Variants in DNAH8 observed in about 807,000 individuals in gnomAD.
DNAH8 encodes axonemal beta dynein heavy chain 8.
DNAH8 carries 382 observed loss-of-function variants against 562.1 expected under a neutral mutation model. The observed-to-expected ratio is 0.68, with a 90% CI of 0.63 to 0.74. DNAH8 has a LOEUF of 0.74. DNAH8 is among the 30% of genes least tolerant of loss of function. The pLI, the probability that DNAH8 is intolerant of heterozygous loss-of-function variation, is 0.00. For synonymous variants in DNAH8, 1,881 were observed against 1,919.4 expected (o/e 0.98, Z 0.52); for missense variants, 5,203 against 5,620.4 (o/e 0.93, Z 2.37).
Position 38,790,310 on chromosome 6 carries a change from G to A in DNAH8, c.2686G>A (p.Gly896Arg), listed in dbSNP as rs757889674. ...MKKVESVLRQ[G>R]LTVLTWSSLT... is the part of the protein sequence containing the mutation. ...CTAGGTGGAATCTGTGTTGAGGCAA[G>A]GACTCACAGTGTTAACATGGTCGTC... The change falls in exon 20 of 93, where the codon GGA (glycine) becomes AGA (arginine). Residue 896 changes from glycine (G) to arginine (R), a missense_variant. Physicochemically the swap from Gly to Arg is moderately radical, Grantham distance 125 (BLOSUM62 -2). Transcript: ENST00000327475. 4 of 1,606,706 alleles carry A rather than the reference G, an allele frequency of 2.5e-6. No homozygotes were observed. In the South Asian group the frequency reaches 3.3e-5, roughly 13 times the overall value.
At chr6:38,745,468 T>A (rs1764848309) in intron 8 of DNAH8, among the ~76,000 whole-genome samples, 1 of 152,216 alleles carries the variant, frequency 6.6e-6, no homozygotes, top group African/African-American at 2.4e-5. Flanking sequence ...TTTAGACTTA[T>A]GGAAGAGTCA....
chr6:38,734,550 T>C lies in DNAH8; in HGVS notation c.687T>C (p.Asp229=), dbSNP rs1191690018. ...TGTATATAGACAATGCAGCCCCGGA[T>C]AAACTAAAAGGACTGTGCATATTTT... ...MKLYIDNAAP[D]KLKGLCIFFV... is the part of the protein sequence containing the mutation. The change falls in exon 5 of 93, where the codon GAT becomes GAC. Residue 229 remains aspartate, a synonymous_variant. Coordinates refer to ENST00000327475, the MANE Select transcript of DNAH8 (RefSeq NM_001206927.2). The C allele has an allele frequency of 6.2e-7, 1 of 1,613,982 alleles. No homozygotes were observed. The highest frequency in any genetic ancestry group is 8.5e-7 in the Non-Finnish European group (1 of 1,179,982).
chr6:38,716,361 C>T (rs1177805122), intron 1 of DNAH8, among the ~76,000 whole-genome samples: 1 of 152,072 alleles, frequency 6.6e-6, no homozygotes, highest in Non-Finnish European at 1.5e-5. Context: ...CCCCTCTAGC[C>T]CAAAAGTCTC....
chr6:38,946,094 G>A (rs1012990956), intron 80 of DNAH8, among the ~76,000 whole-genome samples: 15 of 151,838 alleles, frequency 9.9e-5, no homozygotes, highest in African/African-American at 3.6e-4. Flanking sequence ...TGGATTAATT[G>A]TTGAGTCAAT....
At chr6:38,982,508 A>G (rs1372002140) in intron 86 of DNAH8, 46 bp downstream of exon 86, 1 of 1,028,578 alleles carries the variant, frequency 9.7e-7, no homozygotes, top group Admixed American at 1.7e-5. Flanking sequence ...GCTCTTCTTA[A>G]ATCAGGGTTC....
intron 79 of DNAH8, 116 bp downstream of exon 79, chr6:38,939,104 TTTAA>T: frequency 1.3e-6 from 1 of 780,064 alleles, no homozygotes; most frequent in South Asian, 3.1e-5. Context: ...CTAACGAAAG[TTTAA>T]TTAAGTTTTA....
chr6:38,921,992 G>C (rs1561865356), intron 71 of DNAH8, among the ~76,000 whole-genome samples: 1 of 151,680 alleles, frequency 6.6e-6, no homozygotes, highest in Non-Finnish European at 1.5e-5. Flanking sequence ...TTTTGAGCTA[G>C]GATGAGCCAG....
rs140704775 is a variant in DNAH8, at chr6:38,832,364, A to G, written c.4231A>G (p.Lys1411Glu). 90 of 1,613,908 alleles carry G rather than the reference A, an allele frequency of 5.6e-5. 2 individuals are homozygous for G. In the African/African-American group the frequency reaches 8.3e-4, roughly 15 times the overall value. ...EDLVQVQPKF[K>E]SNLLESVEVF... is the part of the protein sequence containing the mutation. ...CCTAGTTCAAGTGCAGCCAAAGTTT[A>G]AAAGCAATCTACTTGAGTCTGTGGA... Residue 1411 changes from lysine (K) to glutamate (E), a missense_variant, in exon 31 of 93, where the codon AAA becomes GAA. Physicochemically the swap from Lys to Glu is moderately conservative, Grantham distance 56 (BLOSUM62 1). Transcript: ENST00000327475.
intron 38 of DNAH8, among the ~76,000 whole-genome samples, chr6:38,850,751 T>C (rs1186531375): frequency 6.6e-6 from 1 of 152,182 alleles, no homozygotes; most frequent in Non-Finnish European, 1.5e-5. Flanking sequence ...CTCCCTTGCC[T>C]CTTTTGGCTT....
chr6:38,790,022 T>C, intron 19 of DNAH8, 139 bp downstream of exon 19: 1 of 669,646 alleles, frequency 1.5e-6, no homozygotes, highest in Non-Finnish European at 2.5e-6. Flanking sequence ...TCTGTTTTTT[T>C]TTTTTCTGCA....
chr6:38,772,196 T>G (rs1767647056), intron 12 of DNAH8, among the ~76,000 whole-genome samples: 1 of 151,820 alleles, frequency 6.6e-6, no homozygotes, highest in Non-Finnish European at 1.5e-5. Flanking sequence ...GCCCGGCTAA[T>G]TTTTTGTATT....
At chr6:38,743,011 T>TGTG (rs544791966) in intron 8 of DNAH8, among the ~76,000 whole-genome samples, 2 of 108,720 alleles carry the variant, frequency 1.8e-5, no homozygotes, top group African/African-American at 2.9e-5. Context: ...GTTGTGCTTT[T>TGTG]TTTTTTTTTT....
Position 38,722,979 on chromosome 6 carries a change from C to G in DNAH8, c.170C>G (p.Ser57Cys), listed in dbSNP as rs753713102. 6.2e-7 allele frequency: 1 copy of G among 1,612,748 alleles called. No homozygotes were observed. Among genetic ancestry groups the G allele is most frequent in the African/African-American group, 1.3e-5 (1 of 74,906 alleles). The part of the protein sequence containing the change: ...FSPSAEDAVS[S>C]VVDYRDLIPS... ...CCTTCCGCAGAAGATGCTGTTTCTTCTGTGGTGGATTATCGGGATCTCATT... is the reference window on the plus strand; with the variant it reads ...CCTTCCGCAGAAGATGCTGTTTCTTGTGTGGTGGATTATCGGGATCTCATT... The change falls in exon 2 of 93, where the codon TCT becomes TGT. Residue 57 changes from serine to cysteine, a missense_variant. Physicochemically the swap from Ser to Cys is moderately radical, Grantham distance 112. Transcript: ENST00000327475.
chr6:38,925,716 C>T (rs1247264637), intron 73 of DNAH8, among the ~76,000 whole-genome samples: 3 of 152,132 alleles, frequency 2.0e-5, no homozygotes, highest in African/African-American at 7.2e-5. Context: ...TGTTCTCTGA[C>T]ATTTCATTAT....
chr6:38,892,313 A>G (rs898419978), intron 58 of DNAH8, among the ~76,000 whole-genome samples: 3 of 152,160 alleles, frequency 2.0e-5, no homozygotes. Context: ...GCCGATTGCT[A>G]ACTACTTAAT....
chr6:38,965,530 A>T (rs1283363857), intron 82 of DNAH8, among the ~76,000 whole-genome samples: 1 of 152,220 alleles, frequency 6.6e-6, no homozygotes, highest in Non-Finnish European at 1.5e-5. Flanking sequence ...AGTAAATCCA[A>T]AAAAATAAGA....
chr6:38,977,225 G>T (rs1259963735), intron 85 of DNAH8, among the ~76,000 whole-genome samples: 1 of 152,144 alleles, frequency 6.6e-6, no homozygotes, highest in Non-Finnish European at 1.5e-5. Flanking sequence ...GGAGGAGGGT[G>T]CCCTGGGTGC....
At chr6:38,897,484 T>C (rs1460469692) in intron 60 of DNAH8, among the ~76,000 whole-genome samples, 1 of 152,200 alleles carries the variant, frequency 6.6e-6, no homozygotes, top group Admixed American at 6.5e-5. Context: ...AATATTAACA[T>C]GTAGGAATTA....
At position 38,949,803 on chromosome 6, in the gene DNAH8, G is replaced by C. The variant is rs535671183; in HGVS notation, c.12248+233G>C. Among the ~76,000 whole-genome samples, 14 of 152,282 alleles carry C rather than the reference G, an allele frequency of 9.2e-5. No homozygotes were observed. The South Asian group carries it at 2.5e-3, about 27-fold the overall frequency. On this transcript the variant is annotated intron_variant, in intron 81 of 92. Transcript: ENST00000327475. ...GCAAAATAAAATGGTGATGGTGACA[G>C]GGAATGATGTATTTTGACAACGTAT...
Sources: gnomAD v4.1 joint callset for allele counts (sites outside exome capture counted in the v4.1 genomes callset) on GRCh38, gnomAD v4.1.1 for gene constraint, MANE v1.5 for transcripts, NCBI Gene and HGNC (gene_info 2026-07-23, HGNC 2026-07-21) for gene names.